Variants in ATP12A observed in about 807,000 individuals in gnomAD.
ATP12A encodes potassium-transporting ATPase alpha chain 2.
A neutral mutation model predicts 111.2 loss-of-function variants in ATP12A; 81 were observed. The observed-to-expected ratio is 0.73, with a 90% CI of 0.61 to 0.88. ATP12A has a LOEUF of 0.88. Among genes scored for constraint, ATP12A ranks in the 40% least tolerant of loss-of-function variants. ATP12A has a pLI of 0.00. For missense variants in ATP12A, 1,196 were observed against 1,313.1 expected (o/e 0.91, Z 1.38); for synonymous variants, 498 against 499.8 (o/e 1.00, Z 0.05).
At chr13:24,706,551 G>A (rs1207069153) in intron 15 of ATP12A, 88 bp downstream of exon 15, 2 of 1,512,376 alleles carry the variant, frequency 1.3e-6, no homozygotes, top group Non-Finnish European at 1.8e-6. Context: ...TCAGGCTGTG[G>A]TGCCTTTGAA....
chr13:24,709,246 C>T (rs1054176259), intron 17 of ATP12A, 118 bp from the exon 18 acceptor site: 4 of 1,191,760 alleles, frequency 3.4e-6, no homozygotes, highest in Non-Finnish European at 3.5e-6. Context: ...CCTGGATGGG[C>T]CAGCTCCATG....
At chr13:24,699,654 A>G (rs1875309655) in intron 12 of ATP12A, among the ~76,000 whole-genome samples, 1 of 152,204 alleles carries the variant, frequency 6.6e-6, no homozygotes, top group African/African-American at 2.4e-5. Context: ...GATGCAGACA[A>G]AGTGTCAGGA....
At position 24,710,806 on chromosome 13, in the gene ATP12A, G is replaced by A. The variant is rs371154921; in HGVS notation, c.2912G>A (p.Trp971Ter). 1.9e-6 allele frequency: 3 copies of A among 1,614,178 alleles called. No homozygotes were observed. In the South Asian group the frequency reaches 3.3e-5, roughly 18 times the overall value. The stretch of plus-strand genomic sequence containing the variant: ...GTGTCTTGCAGAAATAAAGTCATCT[G>A]GGTGGGGATCACCTCACAGATCATC... Reference protein sequence around the residue: ...QQGLFRNKVIWVGITSQIIIG... With the variant: ...QQGLFRNKVI Residue 971 changes from tryptophan to a stop codon, truncating the protein, a stop_gained, in exon 21 of 23, where the codon TGG becomes TAG. Coordinates refer to ENST00000381946, the MANE Select transcript of ATP12A (RefSeq NM_001676.7). LOFTEE classifies it high-confidence loss of function.
intron 2 of ATP12A, among the ~76,000 whole-genome samples, chr13:24,684,430 T>G (rs1321430756): frequency 6.6e-6 from 1 of 152,212 alleles, no homozygotes; most frequent in Non-Finnish European, 1.5e-5. Context: ...GTATCAATCT[T>G]TGTTTCAGAC....
intron 17 of ATP12A, 71 bp from the exon 18 acceptor site, chr13:24,709,293 A>ACCCCCCC: frequency 2.3e-5 from 2 of 87,370 alleles, no homozygotes; most frequent in Non-Finnish European, 3.9e-5. Flanking sequence ...CACCCACCCC[A>ACCCCCCC]GCCCCCCTCC....
At position 24,694,375 on chromosome 13, in the gene ATP12A, G is replaced by T. The variant is rs545465385; in HGVS notation, c.1378-69G>T. On this transcript the variant is annotated intron_variant, in intron 10 of 22. Coordinates refer to ENST00000381946, the MANE Select transcript of ATP12A (RefSeq NM_001676.7). The stretch of plus-strand genomic sequence containing the variant: ...AATGGGATCAGGAGGGTGTGTTTTG[G>T]GTCCTATGCTGAGGGCATGTTGGTT... 1.2e-3 allele frequency: 1,910 copies of T among 1,584,038 alleles called. 32 individuals carry two copies. In the South Asian group the frequency reaches 0.021, roughly 17 times the overall value.
Position 24,709,432 on chromosome 13 carries a change from GA to G in ATP12A, c.2564del (p.Asn855IlefsTer6). On this transcript the variant is annotated frameshift_variant, in exon 18 of 23. Coordinates refer to ENST00000381946, the MANE Select transcript of ATP12A (RefSeq NM_001676.7). LOFTEE classifies it high-confidence loss of function. ...DIMNRKPRHK[N>X]KDRLVNQPLA... ...TCATGAACAGGAAGCCTCGCCACAA[GA>G]ATAAGGACAGGCTGGTGAACCAGCC... 1 of 1,614,090 alleles carries G rather than the reference GA, an allele frequency of 6.2e-7. No homozygotes were observed. The highest frequency in any genetic ancestry group is 8.5e-7 in the Non-Finnish European group (1 of 1,180,020).
At position 24,700,868 on chromosome 13, in the gene ATP12A, C is replaced by A. The variant is rs1875364257; in HGVS notation, c.1827C>A (p.Pro609=). ...TGGGACTCTTGTCAATGATCGATCC[C>A]CCTCGGTCCACCGTGCCAGATGCAG... ...CFVGLLSMID[P]PRSTVPDAVT... The change falls in exon 13 of 23, where the codon CCC becomes CCA. Residue 609 remains proline, a synonymous_variant. Coordinates refer to ENST00000381946, the MANE Select transcript of ATP12A (RefSeq NM_001676.7). 1 of 1,614,040 alleles carries A rather than the reference C, an allele frequency of 6.2e-7. No homozygotes were observed. The highest frequency in any genetic ancestry group is 8.5e-7 in the Non-Finnish European group (1 of 1,180,024).
At chr13:24,691,755 C>G (rs963272312) in intron 8 of ATP12A, among the ~76,000 whole-genome samples, 3 of 152,182 alleles carry the variant, frequency 2.0e-5, no homozygotes, top group African/African-American at 2.4e-5. Flanking sequence ...GAGCCCCCTC[C>G]TCCTCAGTCT....
chr13:24,694,345 G>C (rs1478034809), intron 10 of ATP12A, 99 bp from the exon 11 acceptor site: 4 of 1,438,910 alleles, frequency 2.8e-6, no homozygotes, highest in Non-Finnish European at 3.8e-6. Flanking sequence ...CTCCAGCTAG[G>C]TGGTAATGGG....
chr13:24,686,462 C>T (rs1270561730), intron 3 of ATP12A, among the ~76,000 whole-genome samples: 24 of 137,550 alleles, frequency 1.7e-4, no homozygotes, highest in Non-Finnish European at 3.0e-4. Flanking sequence ...AAAAAAGGGC[C>T]GGGCGTGGTG....
At chr13:24,681,890 GTGGTGTATGTGTGGTGTGTGTGTA>G (rs1874451097) in intron 2 of ATP12A, among the ~76,000 whole-genome samples, 170 bp downstream of exon 2, 1 of 150,728 alleles carries the variant, frequency 6.6e-6, no homozygotes, top group Admixed American at 6.6e-5. Flanking sequence ...GTGTGTGTGT[GTGGTGTATGTGTGGTGTGTGTGTA>G]TGTGTGGTGT....
chr13:24,682,593 C>T (rs1874523141), intron 2 of ATP12A, among the ~76,000 whole-genome samples: 1 of 152,180 alleles, frequency 6.6e-6, no homozygotes, highest in African/African-American at 2.4e-5. Context: ...AACCACTTGC[C>T]AGTTTTCAAT....
At chr13:24,691,774 GGGGTCTCAA>G (rs1874917201) in intron 8 of ATP12A, among the ~76,000 whole-genome samples, 1 of 152,118 alleles carries the variant, frequency 6.6e-6, no homozygotes, top group Non-Finnish European at 1.5e-5. Flanking sequence ...CTCTCCTGTG[GGGGTCTCAA>G]GGGGTAGGAG....
chr13:24,699,822 G>A (rs1189901482), intron 12 of ATP12A, among the ~76,000 whole-genome samples: 7 of 152,186 alleles, frequency 4.6e-5, no homozygotes, highest in Admixed American at 2.6e-4. Flanking sequence ...AGAAGTGTAT[G>A]GTTGACGATC....
Position 24,690,642 on chromosome 13 carries a change from G to T in ATP12A, c.720G>T (p.Gln240His). 1.2e-6 allele frequency: 2 copies of T among 1,613,790 alleles called. No homozygotes were observed. The highest frequency in any genetic ancestry group is 1.7e-6 in the Non-Finnish European group (2 of 1,179,904). Reference sequence around the variant, plus strand: ...CTCTCACGGGGGAGTCTGAGCCCCAGCCCCGCTCCTCTGAGTTTACCCATG... The same window carrying T: ...CTCTCACGGGGGAGTCTGAGCCCCATCCCCGCTCCTCTGAGTTTACCCATG... ...NSSLTGESEP[Q>H]PRSSEFTHEN... Residue 240 changes from glutamine to histidine, a missense_variant, in exon 7 of 23, where the codon CAG becomes CAT. Physicochemically the swap from Gln to His is conservative, Grantham distance 24 (BLOSUM62 0). This residue lies in a region of ATP12A where 1,126 missense variants were observed against 1,228.5 expected (regional missense o/e 0.92). Coordinates refer to ENST00000381946, the MANE Select transcript of ATP12A (RefSeq NM_001676.7).
rs369028693 is a variant in ATP12A at position 24,688,388 on chromosome 13, C to T, written c.298C>T (p.Gln100Ter). 8 of 1,614,088 alleles carry T rather than the reference C, an allele frequency of 5.0e-6. No individual in the cohort carries two copies. The highest frequency in any genetic ancestry group is 5.9e-6 in the Non-Finnish European group (7 of 1,180,046). ...GCCCAACTCCCTCACCCCTCCCAAGCAGACGCCTGAGATCGTCAAGTTCCT... is the reference window on the plus strand; with the variant it reads ...GCCCAACTCCCTCACCCCTCCCAAGTAGACGCCTGAGATCGTCAAGTTCCT... ...DGPNSLTPPK[Q>*]TPEIVKFLKQ... Residue 100 changes from glutamine (Q) to a stop codon, truncating the protein, a stop_gained, in exon 4 of 23, where the codon CAG becomes TAG. Coordinates refer to ENST00000381946, the MANE Select transcript of ATP12A (RefSeq NM_001676.7). LOFTEE classifies it high-confidence loss of function.
At chr13:24,688,570 A>G in intron 4 of ATP12A, 48 bp downstream of exon 4, 1 of 1,486,472 alleles carries the variant, frequency 6.7e-7, no homozygotes, top group Non-Finnish European at 9.0e-7. Flanking sequence ...AGAGCCATCC[A>G]GTGAGGCCTT....
chr13:24,708,874 AAG>A (rs67526332), intron 17 of ATP12A, among the ~76,000 whole-genome samples: 44,278 of 144,718 alleles, frequency 0.31, 7,735 homozygotes, highest in Non-Finnish European at 0.39. Flanking sequence ...GAGAAAGAGA[AAG>A]AGAGAGAAAG....
Sources: allele counts gnomAD v4.1 joint callset (sites outside exome capture counted in the v4.1 genomes callset), GRCh38; gene constraint gnomAD v4.1.1; regional missense constraint gnomAD v4.1.1; transcripts MANE v1.5; gene names NCBI Gene and HGNC (gene_info 2026-07-23, HGNC 2026-07-21).